Variants in LEPR observed in about 807,000 individuals in gnomAD.
LEPR encodes the protein leptin receptor, also known as OB receptor.
LEPR carries 56 observed loss-of-function variants against 114.7 expected under a neutral mutation model. That is an observed-to-expected ratio of 0.49 (90% CI 0.39 to 0.61). LEPR has a LOEUF of 0.61. LEPR is among the 20% of genes least tolerant of loss of function. The pLI is 0.00. For missense variants in LEPR, 1,202 were observed against 1,352.9 expected (o/e 0.89, Z 1.75); for synonymous variants, 443 against 461.4 (o/e 0.96, Z 0.51).
intron 2 of LEPR, among the ~76,000 whole-genome samples, chr1:65,537,136 A>C (rs1280875714): frequency 6.6e-6 from 1 of 152,212 alleles, no homozygotes; most frequent in Non-Finnish European, 1.5e-5. Context: ...AACAGAAGAC[A>C]TACAATACTA....
chr1:65,612,527 G>T (rs1657239535), intron 14 of LEPR, among the ~76,000 whole-genome samples: 1 of 151,928 alleles, frequency 6.6e-6, no homozygotes, highest in Non-Finnish European at 1.5e-5. Context: ...GATCTTCTTT[G>T]TTTTTATGAA....
At chr1:65,585,098 G>A (rs989032474) in intron 5 of LEPR, among the ~76,000 whole-genome samples, 12 of 151,928 alleles carry the variant, frequency 7.9e-5, no homozygotes, top group African/African-American at 2.9e-4. Flanking sequence ...AGTTCTCCAG[G>A]TGATTTTTAT....
chr1:65,550,536 C>G (rs1405457916), intron 2 of LEPR, among the ~76,000 whole-genome samples: 2 of 152,216 alleles, frequency 1.3e-5, no homozygotes, highest in African/African-American at 4.8e-5. Flanking sequence ...GCCCCTGCCC[C>G]AGCCTCGCTG....
chr1:65,630,612 A>G (rs1658477520), intron 19 of LEPR, among the ~76,000 whole-genome samples: 1 of 151,596 alleles, frequency 6.6e-6, no homozygotes. Context: ...TTCTCTTTCT[A>G]GAATCTGTAT....
intron 14 of LEPR, 119 bp downstream of exon 14, chr1:65,610,415 C>T: frequency 1.2e-6 from 1 of 850,844 alleles, no homozygotes; most frequent in Non-Finnish European, 1.8e-6. Flanking sequence ...ATTTTCATTG[C>T]ATTTATGAGA....
rs748083983 is a variant in LEPR at position 65,566,881 on chromosome 1, G to T, written c.40+1276G>T. On this transcript the variant is annotated intron_variant, in intron 3 of 19. Transcript: ENST00000349533. ...TAACCTAGATAGCTCCACCATTACA[G>T]ATTTCCAAAAAATTATGCCACAAGG... 5.1e-4 allele frequency among the ~76,000 whole-genome samples: 77 copies of T among 152,098 alleles called. 1 individual carries two copies. The highest frequency in any genetic ancestry group is 1.6e-4 in the Non-Finnish European group (11 of 68,018).
chr1:65,636,153 T>A, intron 19 of LEPR, 38 bp from the exon 20 acceptor site: 4 of 1,612,144 alleles, frequency 2.5e-6, no homozygotes, highest in Non-Finnish European at 3.4e-6. Context: ...CAAAATTTTT[T>A]AACATAATTG....
At chr1:65,589,350 G>A (rs1655532837) in intron 5 of LEPR, among the ~76,000 whole-genome samples, 1 of 151,964 alleles carries the variant, frequency 6.6e-6, no homozygotes, top group Non-Finnish European at 1.5e-5. Context: ...TGGCAAATAT[G>A]TTCTCTGTGT....
chr1:65,572,181 T>G (rs779711051), intron 4 of LEPR, 145 bp from the exon 5 acceptor site: 197 of 1,148,488 alleles, frequency 1.7e-4, no homozygotes, highest in Non-Finnish European at 2.3e-4. Context: ...AAGCTTGTTC[T>G]TTTTCTCTCA....
intron 2 of LEPR, among the ~76,000 whole-genome samples, chr1:65,499,519 C>T (rs887034415): frequency 6.6e-6 from 1 of 152,082 alleles, no homozygotes; most frequent in Admixed American, 6.5e-5. Flanking sequence ...ATGTGAATTC[C>T]GGGAAGATAC....
chr1:65,497,512 T>G (rs1648227103), intron 2 of LEPR, among the ~76,000 whole-genome samples: 1 of 152,102 alleles, frequency 6.6e-6, no homozygotes, highest in Non-Finnish European at 1.5e-5. Flanking sequence ...CAGGATTGCT[T>G]TTACATGAAT....
At chr1:65,620,046 C>T in intron 17 of LEPR, 23 bp downstream of exon 17, 1 of 1,541,102 alleles carries the variant, frequency 6.5e-7, no homozygotes, top group Non-Finnish European at 9.0e-7. Flanking sequence ...ATTTTAGTTT[C>T]CTTTTACACC....
intron 19 of LEPR, among the ~76,000 whole-genome samples, chr1:65,631,461 T>G (rs538268024): frequency 6.6e-6 from 1 of 152,280 alleles, no homozygotes; most frequent in South Asian, 2.1e-4. Flanking sequence ...GCTCACCTTC[T>G]TTGATCTATA....
At chr1:65,601,787 C>A in intron 9 of LEPR, 56 bp from the exon 10 acceptor site, 1 of 1,579,140 alleles carries the variant, frequency 6.3e-7, no homozygotes, top group Non-Finnish European at 8.6e-7. Context: ...AAATTTTTTT[C>A]ATTGAATTTT....
chr1:65,422,743 C>CATT (rs1646276234), intron 1 of LEPR, among the ~76,000 whole-genome samples: 1 of 152,182 alleles, frequency 6.6e-6, no homozygotes, highest in Non-Finnish European at 1.5e-5. Context: ...ACTTAAGCTA[C>CATT]ATTAGTAAGA....
intron 3 of LEPR, 152 bp downstream of exon 3, chr1:65,565,757 T>G (rs1174920521): frequency 1.0e-5 from 11 of 1,070,652 alleles, no homozygotes; most frequent in Non-Finnish European, 1.2e-5. Context: ...CAAACCATAG[T>G]ATAGGTGTAT....
At chr1:65,473,871 C>G (rs1375467012) in intron 2 of LEPR, among the ~76,000 whole-genome samples, 5 of 152,160 alleles carry the variant, frequency 3.3e-5, no homozygotes, top group African/African-American at 1.2e-4. Flanking sequence ...AGAATGTTAG[C>G]TATAATTATA....
chr1:65,436,296 C>A (rs917756803), intron 2 of LEPR, among the ~76,000 whole-genome samples: 1 of 152,156 alleles, frequency 6.6e-6, no homozygotes, highest in Non-Finnish European at 1.5e-5. Context: ...AACCTGACAC[C>A]TTAAGAAAAG....
rs531554272 is a variant in LEPR at position 65,460,871 on chromosome 1, A to C, written c.-21+35493A>C. On this transcript the variant is annotated intron_variant, in intron 2 of 19. Coordinates refer to ENST00000349533, the MANE Select transcript of LEPR (RefSeq NM_002303.6). Reference sequence around the variant, plus strand: ...CAAAAACAAAAACAGAAACAAAAACAAAACCTTTGAAATACTTTGTAAAAT... The same window carrying C: ...CAAAAACAAAAACAGAAACAAAAACCAAACCTTTGAAATACTTTGTAAAAT... Among the ~76,000 whole-genome samples the C allele has an allele frequency of 1.8e-4, 27 of 152,208 alleles. No homozygotes were observed. The South Asian group carries it at 5.6e-3, about 32-fold the overall frequency.
Sources: gnomAD v4.1 joint callset for allele counts (sites outside exome capture counted in the v4.1 genomes callset) on GRCh38, gnomAD v4.1.1 for gene constraint, MANE v1.5 for transcripts, NCBI Gene and HGNC (gene_info 2026-07-23, HGNC 2026-07-21) for gene names.